Variants in PEX5L observed in about 807,000 individuals in gnomAD.
PEX5L encodes PEX5-related protein.
In PEX5L, 30 loss-of-function variants were observed where a neutral mutation model predicts 84.0. The observed-to-expected ratio is 0.36, with a 90% CI of 0.27 to 0.48. The LOEUF is 0.48. Ranked by LOEUF, PEX5L falls within the 20% of genes least tolerant of loss-of-function variation. The probability of loss-of-function intolerance (pLI) is 0.99; values close to 1 mark genes in which losing one functional copy is unlikely to be tolerated. For synonymous variants in PEX5L, 270 were observed against 283.1 expected (o/e 0.95, Z 0.46); for missense variants, 533 against 754.6 (o/e 0.71, Z 3.44).
chr3:179,860,525 G>A (rs1056112814), intron 7 of PEX5L, among the ~76,000 whole-genome samples: 4 of 152,194 alleles, frequency 2.6e-5, no homozygotes, highest in Non-Finnish European at 4.4e-5. Context: ...TTTGAAAAGC[G>A]CCTCTGGTAA....
intron 3 of PEX5L, among the ~76,000 whole-genome samples, chr3:179,897,347 C>T (rs1209046964): frequency 6.6e-6 from 1 of 151,920 alleles, no homozygotes; most frequent in Non-Finnish European, 1.5e-5. Flanking sequence ...TTCTCATTTG[C>T]GATTTTAAAA....
At chr3:180,033,539 A>T (rs1791641396) in intron 1 of PEX5L, among the ~76,000 whole-genome samples, 1 of 152,216 alleles carries the variant, frequency 6.6e-6, no homozygotes, top group African/African-American at 2.4e-5. Flanking sequence ...ACATGTAATA[A>T]TTTCCTCTAA....
intron 10 of PEX5L, among the ~76,000 whole-genome samples, chr3:179,813,661 C>T (rs1560195840): frequency 7.8e-6 from 1 of 128,426 alleles, no homozygotes; most frequent in Admixed American, 8.8e-5. Flanking sequence ...TCCCACTCAA[C>T]TAATTTTTTT....
At chr3:180,026,212 A>G (rs1037912347) in intron 1 of PEX5L, among the ~76,000 whole-genome samples, 3 of 145,250 alleles carry the variant, frequency 2.1e-5, no homozygotes, top group Admixed American at 7.2e-5. Flanking sequence ...CCTAGCCCTC[A>G]GTTTCCTCAC....
At chr3:179,802,395 T>C (rs1227347694) in intron 14 of PEX5L, among the ~76,000 whole-genome samples, 1 of 150,510 alleles carries the variant, frequency 6.6e-6, no homozygotes, top group African/African-American at 2.4e-5. Flanking sequence ...AATAGCCAGG[T>C]GTAGTGGCAT....
At chr3:179,968,083 T>C (rs1322613365) in intron 2 of PEX5L, among the ~76,000 whole-genome samples, 1 of 152,168 alleles carries the variant, frequency 6.6e-6, no homozygotes, top group African/African-American at 2.4e-5. Flanking sequence ...CACAACATGC[T>C]GTTAAACCCA....
intron 2 of PEX5L, among the ~76,000 whole-genome samples, chr3:179,917,672 C>T (rs77699411): frequency 0.031 from 4,750 of 151,574 alleles, 230 homozygotes; most frequent in African/African-American, 0.1. Context: ...TTTTTTGAGA[C>T]GGAGTTTTGC....
chr3:179,973,281 C>A lies in PEX5L; in HGVS notation c.22-1616G>T, dbSNP rs763603528. 6 of 1,288,434 alleles carry A rather than the reference C, an allele frequency of 4.7e-6. No individual in the cohort carries two copies. In the South Asian group the frequency reaches 7.4e-5, roughly 16 times the overall value. The allele number at this position is 1,288,434 out of a possible 1,614,324, so 79.8% of individuals were successfully genotyped here. A position where few individuals can be genotyped will look rare whatever the true frequency, so the allele number is the denominator to read the frequency against. On this transcript the variant is annotated intron_variant, in intron 1 of 14. Transcript: ENST00000467460. ...GAATTCTTTATGCCACTGGCAGTGG[C>A]TTCCTTGCCAGAACTTGCTGACCAG...
rs1775175666 is a variant in PEX5L, at chr3:179,938,383, T to C, written c.93+33211A>G. ...ATTTAATCTGTTAATCCCTTCAAAA[T>C]TGTGCATCTGCACAAAAGGCCTTGA... On this transcript the variant is annotated intron_variant, in intron 2 of 14. Transcript: ENST00000467460. Among the ~76,000 whole-genome samples, 5 of 152,352 alleles carry C rather than the reference T, an allele frequency of 3.3e-5. No individual in the cohort carries two copies. The South Asian group carries it at 1.0e-3, about 32-fold the overall frequency.
At chr3:179,918,112 G>T (rs1333151074) in intron 2 of PEX5L, among the ~76,000 whole-genome samples, 1 of 152,142 alleles carries the variant, frequency 6.6e-6, no homozygotes, top group Non-Finnish European at 1.5e-5. Flanking sequence ...CAAAGTCCAG[G>T]GTCTGGCCTC....
At position 179,913,548 on chromosome 3, in the gene PEX5L, T is replaced by C. The variant is rs143734070; in HGVS notation, c.94-15302A>G. 2.6e-4 allele frequency among the ~76,000 whole-genome samples: 40 copies of C among 152,246 alleles called. No individual in the cohort carries two copies. The East Asian group carries it at 7.1e-3, about 27-fold the overall frequency. On this transcript the variant is annotated intron_variant, in intron 2 of 14. Coordinates refer to ENST00000467460, the MANE Select transcript of PEX5L (RefSeq NM_016559.3). ...TTTTTTTCTCAAGAACTTAAAACAA[T>C]TTGCTCAGTAGGCTTAGAGTTTGAG...
intron 14 of PEX5L, among the ~76,000 whole-genome samples, chr3:179,804,781 T>C (rs150619064): frequency 6.6e-6 from 1 of 152,374 alleles, no homozygotes; most frequent in East Asian, 1.9e-4. Flanking sequence ...GAGTATGCAC[T>C]TATACCTCAA....
chr3:179,977,530 C>T (rs56383017), intron 1 of PEX5L, among the ~76,000 whole-genome samples: 32,012 of 151,990 alleles, frequency 0.21, 3,751 homozygotes, highest in East Asian at 0.53. Flanking sequence ...TCAACACAGC[C>T]ACAGACTCAT....
Position 180,024,624 on chromosome 3 carries a change from T to C in PEX5L, c.21+11955A>G, listed in dbSNP as rs142390826. 2.7e-4 allele frequency among the ~76,000 whole-genome samples: 41 copies of C among 151,548 alleles called. 1 individual carries two copies. Among genetic ancestry groups the C allele is most frequent in the Non-Finnish European group, 5.0e-4 (34 of 67,900 alleles). On this transcript the variant is annotated intron_variant, in intron 1 of 14. Coordinates refer to ENST00000467460, the MANE Select transcript of PEX5L (RefSeq NM_016559.3). ...AATAGACAAGTCCACTGGATGACCA[T>C]TGTATGACCATTGTGAGTACAGCTC...
At chr3:179,948,500 G>A (rs1778207370) in intron 2 of PEX5L, among the ~76,000 whole-genome samples, 5 of 152,216 alleles carry the variant, frequency 3.3e-5, no homozygotes, top group Admixed American at 2.6e-4. Context: ...TCTGACCAGA[G>A]AAGATGAATA....
intron 2 of PEX5L, among the ~76,000 whole-genome samples, chr3:179,923,302 A>AAACG (rs756929350): frequency 1.3e-5 from 1 of 75,578 alleles, no homozygotes; most frequent in African/African-American, 4.9e-5. Context: ...AAAAAAAAAA[A>AAACG]AAAAAAAAAC....
intron 2 of PEX5L, among the ~76,000 whole-genome samples, chr3:179,939,162 T>C (rs140801832): frequency 6.6e-6 from 1 of 152,356 alleles, no homozygotes; most frequent in Non-Finnish European, 1.5e-5. Flanking sequence ...ACTTTCTACA[T>C]GGTCTTCACT....
At position 179,869,533 on chromosome 3, in the gene PEX5L, C is replaced by T. The variant is rs998090944; in HGVS notation, c.726+4794G>A. ...TTGTTGGGGCTCAGAAAAATGGTAC[C>T]CCAAAACATGGCACTTGGACGTGCC... On this transcript the variant is annotated intron_variant, in intron 7 of 14. Coordinates refer to ENST00000467460, the MANE Select transcript of PEX5L (RefSeq NM_016559.3). 5.9e-5 allele frequency among the ~76,000 whole-genome samples: 9 copies of T among 152,142 alleles called. No homozygotes were observed. The East Asian group carries it at 1.5e-3, about 26-fold the overall frequency.
intron 1 of PEX5L, among the ~76,000 whole-genome samples, chr3:179,986,011 C>T (rs868047315): frequency 6.6e-6 from 1 of 152,046 alleles, no homozygotes; most frequent in Non-Finnish European, 1.5e-5. Context: ...GATGTTTCTG[C>T]AGGAAGTAAT....
Sources: allele counts gnomAD v4.1 joint callset (sites outside exome capture counted in the v4.1 genomes callset), GRCh38; gene constraint gnomAD v4.1.1; transcripts MANE v1.5; gene names NCBI Gene and HGNC (gene_info 2026-07-23, HGNC 2026-07-21).